The following TMPRSS11F variants were observed in gnomAD, a reference collection of about 807,000 sequenced individuals.
TMPRSS11F encodes transmembrane serine protease 11F.
Under a neutral mutation model 60.2 loss-of-function variants are expected in TMPRSS11F, and 47 were observed. The observed-to-expected ratio is 0.78, with a 90% confidence interval of 0.62 to 1.00. The LOEUF (loss-of-function observed/expected upper bound fraction) is 1.00, where lower values mean the gene tolerates loss of function less well. TMPRSS11F is among the 50% of genes least tolerant of loss of function. The pLI is 0.00. For synonymous variants in TMPRSS11F, 166 were observed against 167.3 expected, an observed-to-expected ratio of 0.99 and a Z score of 0.06; for missense variants, 519 against 522.9, an observed-to-expected ratio of 0.99 and a Z score of 0.07.
At chr4:68,079,886 TA>T (rs1328314057) in intron 3 of TMPRSS11F, among the ~76,000 whole-genome samples, 2 of 152,204 alleles carry the variant, frequency 1.3e-5, no homozygotes, top group African/African-American at 4.8e-5. Flanking sequence ...ACCACCCAGG[TA>T]CTGTTTTTGG....
intron 3 of TMPRSS11F, among the ~76,000 whole-genome samples, chr4:68,081,178 T>C (rs1214877237): frequency 1.3e-5 from 2 of 152,188 alleles, no homozygotes; most frequent in African/African-American, 2.4e-5. Flanking sequence ...GAAATGAGAC[T>C]AGAAAGTTTT....
In TMPRSS11F at chr4:68,090,602, G is replaced by T. The variant is rs1723906502; in HGVS notation, c.203C>A (p.Thr68Lys). The part of the protein sequence containing the change: ...SFYYLASFKV[T>K]NIKYKENYGI... The stretch of plus-strand genomic sequence containing the variant: ...ATAATTTTCTTTATATTTGATATTT[G>T]TGACTTTAAAAGAGGCAAGGTAATA... The change falls in exon 3 of 10, where the codon ACA becomes AAA. Residue 68 changes from threonine (T) to lysine (K), a missense_variant. Thr to Lys is a moderately conservative substitution (Grantham distance 78, BLOSUM62 -1). Coordinates refer to ENST00000356291, the MANE Select transcript of TMPRSS11F (RefSeq NM_207407.2). The T allele has an allele frequency of 2.5e-6, 4 of 1,601,216 alleles. No individual in the cohort carries two copies. Among genetic ancestry groups the T allele is most frequent in the African/African-American group, 1.3e-5 (1 of 74,248 alleles).
Position 68,099,105 on chromosome 4 carries a change from T to G in TMPRSS11F, c.12-67A>C, listed in dbSNP as rs57237742. ...ATAGTTCAACTTTATGTTTACTTACTATGTTCCTCTATGAAAATAGTTTAT... is the reference window on the plus strand; with the variant it reads ...ATAGTTCAACTTTATGTTTACTTACGATGTTCCTCTATGAAAATAGTTTAT... On this transcript the variant is annotated intron_variant, in intron 1 of 9. Coordinates refer to ENST00000356291, the MANE Select transcript of TMPRSS11F (RefSeq NM_207407.2). 2,566 of 1,332,160 alleles carry G rather than the reference T, an allele frequency of 1.9e-3. 37 individuals are homozygous for G. The African/African-American group carries it at 0.031, about 16-fold the overall frequency. The allele number at this position is 1,332,160 out of a possible 1,614,324, so 82.5% of individuals were successfully genotyped here.
At chr4:68,103,374 A>T (rs1416335331) in intron 1 of TMPRSS11F, among the ~76,000 whole-genome samples, 1 of 151,684 alleles carries the variant, frequency 6.6e-6, no homozygotes, top group East Asian at 1.9e-4. Context: ...TGAGCCCAGG[A>T]GGTCAAAGGA....
chr4:68,064,668 AG>A lies in TMPRSS11F; in HGVS notation c.1015+16del. 1 of 1,607,674 alleles carries A rather than the reference AG, an allele frequency of 6.2e-7. No homozygotes were observed. Among genetic ancestry groups the A allele is most frequent in the African/African-American group, 1.3e-5 (1 of 74,750 alleles). ...AAGACATTCTTGTGCTAAGAAAATT[AG>A]GTTGAAACTGCTCACCATCATCTAC... On this transcript the variant is annotated intron_variant, in intron 8 of 9. Coordinates refer to ENST00000356291, the MANE Select transcript of TMPRSS11F (RefSeq NM_207407.2).
intron 3 of TMPRSS11F, among the ~76,000 whole-genome samples, chr4:68,075,448 A>C (rs548047787): frequency 3.3e-5 from 5 of 151,948 alleles, no homozygotes; most frequent in Non-Finnish European, 7.4e-5. Flanking sequence ...TTACCCCTTC[A>C]TTGGCCCCTA....
chr4:68,063,647 G>A (rs1723254133), intron 8 of TMPRSS11F, among the ~76,000 whole-genome samples: 1 of 152,002 alleles, frequency 6.6e-6, no homozygotes, highest in African/African-American at 2.4e-5. Flanking sequence ...TCAAAGTGTT[G>A]GGATTACAGG....
intron 1 of TMPRSS11F, among the ~76,000 whole-genome samples, chr4:68,119,543 T>C (rs1724583483): frequency 6.6e-6 from 1 of 152,160 alleles, no homozygotes; most frequent in South Asian, 2.1e-4. Context: ...TTCCAAAAAT[T>C]CTAGGGCCCT....
intron 3 of TMPRSS11F, among the ~76,000 whole-genome samples, chr4:68,085,727 G>C (rs1030008115): frequency 6.6e-6 from 1 of 152,232 alleles, no homozygotes; most frequent in Middle Eastern, 3.4e-3. Context: ...GTTGGAGAAA[G>C]ATCCGTCATG....
At chr4:68,083,451 C>A (rs1024234101) in intron 3 of TMPRSS11F, among the ~76,000 whole-genome samples, 1 of 152,144 alleles carries the variant, frequency 6.6e-6, no homozygotes. Flanking sequence ...ATCTGCCAGT[C>A]ATTACTCTTA....
chr4:68,054,509 T>G (rs1723002354), intron 9 of TMPRSS11F, among the ~76,000 whole-genome samples: 1 of 152,156 alleles, frequency 6.6e-6, no homozygotes, highest in African/African-American at 2.4e-5. Flanking sequence ...CTAATTAGTT[T>G]TCTTGCTAAA....
intron 3 of TMPRSS11F, chr4:68,077,653 G>A (rs1723612822): frequency 6.6e-6 from 1 of 152,202 alleles, no homozygotes; most frequent in African/African-American, 2.4e-5. Flanking sequence ...CACATTTTAG[G>A]TTCTTGCCTA....
rs757125206 is a variant in TMPRSS11F, at chr4:68,068,735, G to C, written c.638C>G (p.Ala213Gly). The C allele has an allele frequency of 1.2e-5, 20 of 1,614,210 alleles. No individual in the cohort carries two copies. Among genetic ancestry groups the C allele is most frequent in the Non-Finnish European group, 1.7e-5 (20 of 1,180,032 alleles). The change falls in exon 7 of 10, where the codon GCT (alanine) becomes GGT (glycine). Residue 213 changes from alanine to glycine, a missense_variant. By Grantham distance (60) the Ala-to-Gly change is moderately conservative. Coordinates refer to ENST00000356291, the MANE Select transcript of TMPRSS11F (RefSeq NM_207407.2). ...TQRIVQGRETAMEGEWPWQAS... is the reference protein window; with the variant it reads ...TQRIVQGRETGMEGEWPWQAS... ...CTGCCATGGCCATTCCCCTTCCATAGCTGTTTCCCTTCCTTGGACAATTCT... is the reference window on the plus strand; with the variant it reads ...CTGCCATGGCCATTCCCCTTCCATACCTGTTTCCCTTCCTTGGACAATTCT...
At chr4:68,097,757 A>C (rs1337266568) in intron 2 of TMPRSS11F, among the ~76,000 whole-genome samples, 6 of 152,086 alleles carry the variant, frequency 3.9e-5, no homozygotes, top group African/African-American at 1.4e-4. Context: ...TTTAAAAACA[A>C]AACTATTTCA....
intron 1 of TMPRSS11F, among the ~76,000 whole-genome samples, chr4:68,124,102 T>A (rs1724671098): frequency 6.6e-6 from 1 of 151,490 alleles, no homozygotes; most frequent in Non-Finnish European, 1.5e-5. Context: ...ACGCCTGTAA[T>A]CCCAGCTACT....
intron 4 of TMPRSS11F, 24 bp from the exon 5 acceptor site, chr4:68,072,510 A>T: frequency 6.9e-7 from 1 of 1,454,814 alleles, no homozygotes. Flanking sequence ...AAGCAGATAA[A>T]AATGGCATTT....
intron 3 of TMPRSS11F, among the ~76,000 whole-genome samples, chr4:68,081,554 C>G (rs1723696859): frequency 6.6e-6 from 1 of 152,162 alleles, no homozygotes; most frequent in South Asian, 2.1e-4. Context: ...AGGATATGTA[C>G]TTGATAAAGT....
chr4:68,058,808 C>A (rs757360066), intron 9 of TMPRSS11F, among the ~76,000 whole-genome samples: 2 of 152,070 alleles, frequency 1.3e-5, no homozygotes, highest in Non-Finnish European at 2.9e-5. Context: ...GGATAGTAGT[C>A]AAAAAGGAAG....
intron 6 of TMPRSS11F, among the ~76,000 whole-genome samples, chr4:68,069,397 T>C (rs569876971): frequency 1.2e-3 from 190 of 152,254 alleles, no homozygotes; most frequent in Middle Eastern, 3.4e-3. Context: ...CTTTTAAAAC[T>C]TGAAAGGCTA....
Sources: allele counts gnomAD v4.1 joint callset (sites outside exome capture counted in the v4.1 genomes callset), GRCh38; gene constraint gnomAD v4.1.1; transcripts MANE v1.5; gene names NCBI Gene and HGNC (gene_info 2026-07-23, HGNC 2026-07-21).